The following PCDH11X variants were observed in gnomAD, a reference collection of about 807,000 sequenced individuals.
PCDH11X encodes the protein protocadherin 11 X-linked.
In PCDH11X, 18 loss-of-function variants were observed where a neutral mutation model predicts 53.3. That is an observed-to-expected ratio of 0.34 (90% confidence interval 0.23 to 0.50). The LOEUF is 0.50. Ranked by LOEUF, PCDH11X falls within the 20% of genes least tolerant of loss-of-function variation. PCDH11X has a pLI of 0.98. For missense variants in PCDH11X, 570 were observed against 1,032.4 expected (o/e 0.55, Z 6.14); for synonymous variants, 279 against 393.3 (o/e 0.71, Z 3.44).
intron 6 of PCDH11X, among the ~76,000 whole-genome samples, chrX:91,923,655 A>G (rs1352146980): frequency 2.5e-3 from 255 of 103,645 alleles, no homozygotes; most frequent in Middle Eastern, 5.0e-3. Flanking sequence ...CCATCATGAG[A>G]CTTCACCTTG....
chrX:92,127,507 CT>C (rs1320390782), intron 6 of PCDH11X, among the ~76,000 whole-genome samples: 2 of 102,934 alleles, frequency 1.9e-5, no homozygotes, highest in African/African-American at 3.6e-5. Context: ...ACATAGTTAT[CT>C]TTCCCCCCAC....
chrX:92,553,691 T>C (rs1299855190), intron 10 of PCDH11X, among the ~76,000 whole-genome samples: 3 of 109,606 alleles, frequency 2.7e-5, no homozygotes, highest in African/African-American at 9.9e-5. Flanking sequence ...TTTTTTGATG[T>C]AGGCAAATAT....
chrX:92,134,215 C>T (rs2065045025), intron 6 of PCDH11X, among the ~76,000 whole-genome samples: 1 of 111,264 alleles, frequency 9.0e-6, no homozygotes, highest in African/African-American at 3.3e-5. Flanking sequence ...TGAGTTCTGC[C>T]TGTCCTTTGT....
intron 6 of PCDH11X, among the ~76,000 whole-genome samples, chrX:92,188,099 T>A (rs1024607466): frequency 2.7e-5 from 3 of 111,370 alleles, no homozygotes; most frequent in African/African-American, 9.8e-5. Context: ...CTAGAACCTA[T>A]GTGGCAGAGG....
At chrX:92,096,857 G>A (rs780553681) in intron 6 of PCDH11X, among the ~76,000 whole-genome samples, 1 of 111,073 alleles carries the variant, frequency 9.0e-6, no homozygotes, top group South Asian at 3.9e-4. Context: ...TTTGGATGGG[G>A]ACACAGCCAA....
intron 7 of PCDH11X, among the ~76,000 whole-genome samples, chrX:92,218,725 C>T (rs1324318501): frequency 2.7e-5 from 3 of 111,484 alleles, no homozygotes; most frequent in African/African-American, 3.3e-5. Context: ...GATACCAAAG[C>T]CTGACAGAGA....
chrX:91,855,839 T>C (rs1221893801), intron 5 of PCDH11X, among the ~76,000 whole-genome samples: 4 of 111,962 alleles, frequency 3.6e-5, no homozygotes, highest in African/African-American at 1.3e-4. Context: ...GATTTTTGTA[T>C]GTTGATTTTG....
At chrX:92,037,781 T>C (rs187396861) in intron 6 of PCDH11X, among the ~76,000 whole-genome samples, 215 of 111,472 alleles carry the variant, frequency 1.9e-3, no homozygotes, top group African/African-American at 6.8e-3. Flanking sequence ...AATTTGTATT[T>C]CTCTAATGAT....
chrX:92,040,097 C>T (rs973859092), intron 6 of PCDH11X, among the ~76,000 whole-genome samples: 18 of 104,766 alleles, frequency 1.7e-4, no homozygotes, highest in African/African-American at 6.0e-4. Flanking sequence ...TTACTCTTTG[C>T]TCTCCTCTCC....
chrX:92,089,524 AT>A (rs1156402681), intron 6 of PCDH11X, among the ~76,000 whole-genome samples: 2 of 109,853 alleles, frequency 1.8e-5, no homozygotes, highest in East Asian at 2.9e-4. Flanking sequence ...ATTATTTTTT[AT>A]TTTTTTTTCT....
intron 6 of PCDH11X, among the ~76,000 whole-genome samples, chrX:92,156,090 G>A (rs1276089591): frequency 1.6e-4 from 17 of 109,470 alleles, no homozygotes; most frequent in African/African-American, 5.7e-4. Context: ...AAAGAGCAAA[G>A]ACTTCAAGAT....
chrX:91,850,537 A>G (rs1190708025), intron 5 of PCDH11X, among the ~76,000 whole-genome samples: 1 of 111,655 alleles, frequency 9.0e-6, no homozygotes, highest in Non-Finnish European at 1.9e-5. Context: ...AGTATTTTTA[A>G]AATATTTTCT....
chrX:92,132,737 A>C (rs2148201061), intron 6 of PCDH11X, among the ~76,000 whole-genome samples: 1 of 102,071 alleles, frequency 9.8e-6, no homozygotes, highest in East Asian at 3.0e-4. Context: ...CTTAGTCAGT[A>C]CTGAAACAGT....
intron 6 of PCDH11X, among the ~76,000 whole-genome samples, chrX:92,037,176 A>G (rs1293658588): frequency 9.0e-6 from 1 of 110,770 alleles, no homozygotes; most frequent in African/African-American, 3.3e-5. Context: ...CCTCGCATGC[A>G]TTAGCTATTT....
intron 8 of PCDH11X, among the ~76,000 whole-genome samples, chrX:92,304,433 T>C (rs1170866189): frequency 8.9e-6 from 1 of 111,976 alleles, no homozygotes; most frequent in Non-Finnish European, 1.9e-5. Context: ...GACATGTATT[T>C]ATGACATTGT....
chrX:92,088,792 G>A (rs2064001230), intron 6 of PCDH11X, among the ~76,000 whole-genome samples: 2 of 111,130 alleles, frequency 1.8e-5, no homozygotes, highest in Admixed American at 1.9e-4. Context: ...AAAATTTATT[G>A]TTTGGCATAT....
At chrX:92,616,797 G>C (rs900059987) in intron 10 of PCDH11X, among the ~76,000 whole-genome samples, 5 of 109,923 alleles carry the variant, frequency 4.5e-5, no homozygotes, top group African/African-American at 1.7e-4. Context: ...TTTTTATTTA[G>C]ATTATGTTGA....
intron 9 of PCDH11X, among the ~76,000 whole-genome samples, chrX:92,425,443 AT>A (rs1371719180): frequency 2.9e-5 from 3 of 104,999 alleles, no homozygotes; most frequent in East Asian, 3.1e-4. Context: ...AGGTGACTCC[AT>A]TTTTTTTCAC....
chrX:92,167,712 G>A (rs2065758140), intron 6 of PCDH11X, among the ~76,000 whole-genome samples: 1 of 111,569 alleles, frequency 9.0e-6, no homozygotes, highest in Non-Finnish European at 1.9e-5. Flanking sequence ...ACAATTGCTG[G>A]CCATGAATTT....
Sources: allele counts gnomAD v4.1 joint callset (sites outside exome capture counted in the v4.1 genomes callset), GRCh38; gene constraint gnomAD v4.1.1; transcripts MANE v1.5; gene names NCBI Gene and HGNC (gene_info 2026-07-23, HGNC 2026-07-21).